CAP1: variants seen among roughly 807,000 people sequenced by gnomAD.
CAP1 encodes adenylyl cyclase-associated protein 1.
Under a neutral mutation model 58.2 loss-of-function variants are expected in CAP1, and 11 were observed. The observed-to-expected ratio is 0.19, with a 90% CI of 0.12 to 0.31. CAP1 has a LOEUF of 0.31. Among genes scored for constraint, CAP1 ranks in the 10% least tolerant of loss-of-function variants. The pLI is 1.00. For synonymous variants in CAP1, 183 were observed against 213.8 expected (o/e 0.86, Z 1.26); for missense variants, 423 against 587.5 (o/e 0.72, Z 2.89).
chr1:40,048,073 G>A (rs374679099), intron 1 of CAP1, among the ~76,000 whole-genome samples: 6 of 150,602 alleles, frequency 4.0e-5, no homozygotes, highest in East Asian at 1.9e-4. Flanking sequence ...TTGAGATGGT[G>A]TCTTGCTCTG....
At chr1:40,062,544 G>GT (rs1443027646) in intron 4 of CAP1, among the ~76,000 whole-genome samples, 1 of 152,150 alleles carries the variant, frequency 6.6e-6, no homozygotes, top group Non-Finnish European at 1.5e-5. Flanking sequence ...GAGGCCAGGA[G>GT]TTTGAGACCA....
At chr1:40,064,417 A>C in intron 5 of CAP1, 47 bp downstream of exon 5, 1 of 1,613,370 alleles carries the variant, frequency 6.2e-7, no homozygotes, top group Non-Finnish European at 8.5e-7. Context: ...AGATTTTAAG[A>C]GGGAAGGCAA....
At chr1:40,052,257 C>G (rs547097118) in intron 1 of CAP1, among the ~76,000 whole-genome samples, 1 of 152,256 alleles carries the variant, frequency 6.6e-6, no homozygotes, top group East Asian at 1.9e-4. Context: ...ATCCTTATAT[C>G]TGTGTATGCT....
rs534566545 is a variant in CAP1, at chr1:40,044,291, A to T, written c.-11+3490A>T. Reference sequence around the variant, plus strand: ...TTTTTTGTGAAGCATTGTGAATCAAATTTTTTTTTACTTAAGCAAATGCAA... The same window carrying T: ...TTTTTTGTGAAGCATTGTGAATCAATTTTTTTTTTACTTAAGCAAATGCAA... On this transcript the variant is annotated intron_variant, in intron 1 of 12. Transcript: ENST00000372805. Among the ~76,000 whole-genome samples, 20 of 151,794 alleles carry T rather than the reference A, an allele frequency of 1.3e-4. No homozygotes were observed. The South Asian group carries it at 3.5e-3, about 27-fold the overall frequency.
chr1:40,071,393 TAGCCCC>T, intron 12 of CAP1, 51 bp from the exon 13 acceptor site: 1 of 1,241,912 alleles, frequency 8.1e-7, no homozygotes, highest in South Asian at 1.2e-5. Context: ...GTGTGAGATT[TAGCCCC>T]AGCTGTTCTT....
chr1:40,064,687 CA>C, intron 6 of CAP1, 128 bp downstream of exon 6: 1 of 713,650 alleles, frequency 1.4e-6, no homozygotes, highest in Non-Finnish European at 2.5e-6. Flanking sequence ...ACAATCCTCC[CA>C]CCTCAGTCCT....
chr1:40,055,722 T>A (rs6661099), intron 1 of CAP1, among the ~76,000 whole-genome samples: 17,504 of 152,176 alleles, frequency 0.12, 1,169 homozygotes, highest in South Asian at 0.2. Context: ...TTGCCCCGGC[T>A]AGTCTTGAAC....
intron 1 of CAP1, among the ~76,000 whole-genome samples, chr1:40,041,938 A>G (rs930941318): frequency 1.3e-5 from 2 of 152,260 alleles, no homozygotes; most frequent in Non-Finnish European, 2.9e-5. Context: ...ACAGGTTAGC[A>G]TCAGAACTGT....
At chr1:40,052,388 T>C (rs1004664971) in intron 1 of CAP1, among the ~76,000 whole-genome samples, 1 of 152,186 alleles carries the variant, frequency 6.6e-6, no homozygotes, top group South Asian at 2.1e-4. Flanking sequence ...ACCACCTGTG[T>C]TTCTGAAGCT....
At chr1:40,052,190 A>C (rs924025195) in intron 1 of CAP1, among the ~76,000 whole-genome samples, 21 of 152,154 alleles carry the variant, frequency 1.4e-4, no homozygotes, top group Non-Finnish European at 1.0e-4. Flanking sequence ...TTTACATTTG[A>C]ATTGCATTTT....
chr1:40,049,210 A>C (rs1429989168), intron 1 of CAP1, among the ~76,000 whole-genome samples: 8 of 92,414 alleles, frequency 8.7e-5, no homozygotes, highest in Non-Finnish European at 1.4e-4. Context: ...TTTTTGAGAC[A>C]GAGTGTCTCT....
chr1:40,048,451 G>A (rs1646206869), intron 1 of CAP1, among the ~76,000 whole-genome samples: 4 of 152,198 alleles, frequency 2.6e-5, no homozygotes. Flanking sequence ...TCTTCTGGTA[G>A]CATGTGTAGG....
chr1:40,046,455 T>G (rs535590588), intron 1 of CAP1, among the ~76,000 whole-genome samples: 1 of 139,158 alleles, frequency 7.2e-6, no homozygotes, highest in South Asian at 2.4e-4. Context: ...AGAGCAAGAC[T>G]CCGTCTCAAA....
chr1:40,072,269 A>C lies in CAP1; in HGVS notation c.*736A>C, dbSNP rs12408549. On this transcript the variant is annotated 3_prime_UTR_variant, in exon 13 of 13. Coordinates refer to ENST00000372805, the MANE Select transcript of CAP1 (RefSeq NM_006367.4). ...TTTAAAAGGAAAAAAAAAAAAAAAAAAACCCACATGATTTCAAGGAGTCTG... is the reference window on the plus strand; with the variant it reads ...TTTAAAAGGAAAAAAAAAAAAAAAACAACCCACATGATTTCAAGGAGTCTG... 1.8e-5 allele frequency: 4 copies of C among 218,060 alleles called. No individual in the cohort carries two copies. Among genetic ancestry groups the C allele is most frequent in the Admixed American group, 2.8e-4 (2 of 7,236 alleles). 13.5% of individuals were successfully genotyped at this position (218,060 alleles called of 1,614,324 possible). A position where few individuals can be genotyped will look rare whatever the true frequency, so the allele number is the denominator to read the frequency against.
intron 1 of CAP1, among the ~76,000 whole-genome samples, chr1:40,052,410 T>C (rs1646417421): frequency 6.6e-6 from 1 of 152,208 alleles, no homozygotes; most frequent in Non-Finnish European, 1.5e-5. Flanking sequence ...TTATGATGAA[T>C]GCTTAAGTAG....
chr1:40,061,818 T>C lies in CAP1; in HGVS notation c.294+6T>C, dbSNP rs1275674697. 6.2e-7 allele frequency: 1 copy of C among 1,609,528 alleles called. No individual in the cohort carries two copies. The highest frequency in any genetic ancestry group is 2.2e-5 in the East Asian group (1 of 44,886). On this transcript the variant is annotated splice_donor_region_variant and intron_variant, in intron 4 of 12. Coordinates refer to ENST00000372805, the MANE Select transcript of CAP1 (RefSeq NM_006367.4). ...AGTGTCAACAGCCAGCAGAAGTAAGTTCACTACTAGCTGGTTTCATTTTGG... is the reference window on the plus strand; with the variant it reads ...AGTGTCAACAGCCAGCAGAAGTAAGCTCACTACTAGCTGGTTTCATTTTGG...
intron 8 of CAP1, among the ~76,000 whole-genome samples, chr1:40,069,223 C>T (rs1230062689): frequency 2.0e-5 from 3 of 152,294 alleles, no homozygotes; most frequent in East Asian, 1.9e-4. Flanking sequence ...ATGATTATAA[C>T]CAACAAAACC....
intron 4 of CAP1, among the ~76,000 whole-genome samples, chr1:40,063,617 G>T (rs1175482245): frequency 1.2e-4 from 18 of 152,206 alleles, no homozygotes; most frequent in Admixed American, 1.2e-3. Flanking sequence ...CCCAGACTAA[G>T]CCCCCTAATT....
intron 2 of CAP1, 61 bp from the exon 3 acceptor site, chr1:40,060,006 A>G: frequency 7.3e-7 from 1 of 1,365,122 alleles, no homozygotes. Flanking sequence ...ATGTAGAAGC[A>G]CGTTTTAAAG....
Sources: gnomAD v4.1 joint callset for allele counts (sites outside exome capture counted in the v4.1 genomes callset) on GRCh38, gnomAD v4.1.1 for gene constraint, MANE v1.5 for transcripts, NCBI Gene and HGNC (gene_info 2026-07-23, HGNC 2026-07-21) for gene names.